Variants in RYR2 observed in about 807,000 individuals in gnomAD.
The protein encoded by RYR2 is cardiac muscle ryanodine receptor-calcium release channel.
A neutral mutation model predicts 601.1 loss-of-function variants in RYR2; 227 were observed. That is an observed-to-expected ratio of 0.38 (90% CI 0.34 to 0.42). The LOEUF is 0.42. RYR2 is among the 10% of genes least tolerant of loss of function. The pLI is 1.00. For synonymous variants in RYR2, 2,223 were observed against 2,175.1 expected, an observed-to-expected ratio of 1.02 and a Z score of -0.61; for missense variants, 4,646 against 6,156.5, an observed-to-expected ratio of 0.75 and a Z score of 8.21.
At chr1:237,364,497 C>T in intron 5 of RYR2, 125 bp downstream of exon 5, 2 of 406,226 alleles carry the variant, frequency 4.9e-6, no homozygotes, top group Non-Finnish European at 8.7e-6. Flanking sequence ...ATATATATTA[C>T]TATATATCAG....
chr1:237,044,883 C>CT (rs1353767028), intron 1 of RYR2, among the ~76,000 whole-genome samples: 11 of 146,568 alleles, frequency 7.5e-5, no homozygotes, highest in African/African-American at 2.3e-4. Context: ...GAAGTCGCTT[C>CT]TTTTTTTTCT....
intron 51 of RYR2, among the ~76,000 whole-genome samples, chr1:237,653,737 G>A (rs752305151): frequency 9.2e-5 from 14 of 152,192 alleles, no homozygotes; most frequent in Admixed American, 7.2e-4. Flanking sequence ...TCAAAAGTAG[G>A]GAAGCCAACA....
rs141556707 is a variant in RYR2 at position 237,787,458 on chromosome 1, G to A, written c.13329-530G>A. Among the ~76,000 whole-genome samples, 879 of 152,056 alleles carry A rather than the reference G, an allele frequency of 5.8e-3. 2 individuals are homozygous for A. Among genetic ancestry groups the A allele is most frequent in the Middle Eastern group, 0.017 (5 of 294 alleles). ...TAAAAAAAAGTTAGCTGGGCATGGT[G>A]TCACATGCCTATAATCCCAGCTACT... On this transcript the variant is annotated intron_variant, in intron 91 of 104. Transcript: ENST00000366574.
intron 11 of RYR2, among the ~76,000 whole-genome samples, chr1:237,422,010 C>G (rs1419984501): frequency 6.6e-6 from 1 of 151,964 alleles, no homozygotes; most frequent in African/African-American, 2.4e-5. Context: ...TTCTTGCGTG[C>G]TTTGATCTTA....
At chr1:237,128,021 G>A (rs1427575066) in intron 1 of RYR2, among the ~76,000 whole-genome samples, 1 of 152,234 alleles carries the variant, frequency 6.6e-6, no homozygotes, top group African/African-American at 2.4e-5. Flanking sequence ...CACTTTGGGA[G>A]GCCAAGGCAG....
At chr1:237,188,802 A>C (rs1679651517) in intron 1 of RYR2, among the ~76,000 whole-genome samples, 1 of 152,186 alleles carries the variant, frequency 6.6e-6, no homozygotes, top group African/African-American at 2.4e-5. Flanking sequence ...TAGGGAGTCT[A>C]GGGTTGCAGC....
chr1:237,258,116 C>T (rs1162297724), intron 1 of RYR2, among the ~76,000 whole-genome samples: 27 of 147,886 alleles, frequency 1.8e-4, no homozygotes, highest in African/African-American at 6.3e-4. Context: ...TGCAGTGAGC[C>T]GAGATCGTGC....
chr1:237,750,818 A>C (rs549760469), intron 80 of RYR2, among the ~76,000 whole-genome samples: 1 of 152,292 alleles, frequency 6.6e-6, no homozygotes, highest in East Asian at 1.9e-4. Context: ...TATCTGGAAG[A>C]ATTGAAGAAA....
intron 63 of RYR2, among the ~76,000 whole-genome samples, chr1:237,687,816 A>G (rs571623095): frequency 6.2e-4 from 94 of 152,338 alleles, no homozygotes; most frequent in African/African-American, 2.0e-3. Flanking sequence ...AAACAAAGCC[A>G]GGCCCTTGGA....
intron 97 of RYR2, among the ~76,000 whole-genome samples, chr1:237,800,541 C>A (rs1348437369): frequency 6.6e-6 from 1 of 151,962 alleles, no homozygotes; most frequent in Admixed American, 6.6e-5. Flanking sequence ...AAGAAAGATT[C>A]GCTTAATTAA....
intron 54 of RYR2, among the ~76,000 whole-genome samples, chr1:237,659,427 A>T (rs1348054134): frequency 6.6e-6 from 1 of 152,222 alleles, no homozygotes; most frequent in African/African-American, 2.4e-5. Context: ...ATATGTACAG[A>T]TGGGCAAAAT....
intron 1 of RYR2, among the ~76,000 whole-genome samples, chr1:237,082,113 G>C (rs759880235): frequency 2.0e-5 from 3 of 152,150 alleles, no homozygotes; most frequent in Non-Finnish European, 4.4e-5. Context: ...AACATTAACT[G>C]ATTAAACTAG....
chr1:237,559,020 G>GT (rs756573840), intron 27 of RYR2, among the ~76,000 whole-genome samples: 145 of 147,564 alleles, frequency 9.8e-4, no homozygotes, highest in Non-Finnish European at 1.5e-3. Context: ...TTGAGATGGA[G>GT]TTTTGCTCTT....
chr1:237,245,779 G>C (rs1273938760), intron 1 of RYR2, among the ~76,000 whole-genome samples: 1 of 152,056 alleles, frequency 6.6e-6, no homozygotes, highest in African/African-American at 2.4e-5. Context: ...GTTTTGATCT[G>C]TTTTTTCTTT....
chr1:237,547,582 G>A (rs2148080418), intron 25 of RYR2, among the ~76,000 whole-genome samples: 1 of 152,278 alleles, frequency 6.6e-6, no homozygotes, highest in Non-Finnish European at 1.5e-5. Flanking sequence ...ACAGAAGAAT[G>A]GAAGAAAAGC....
chr1:237,140,117 T>C (rs2152885), intron 1 of RYR2, among the ~76,000 whole-genome samples: 23,984 of 152,278 alleles, frequency 0.16, 2,306 homozygotes, highest in Middle Eastern at 0.22. Flanking sequence ...CATGGAACCC[T>C]GAAGCACCGT....
chr1:237,071,807 T>A (rs1367165263), intron 1 of RYR2, among the ~76,000 whole-genome samples: 1 of 152,198 alleles, frequency 6.6e-6, no homozygotes, highest in African/African-American at 2.4e-5. Flanking sequence ...CCTGCCGAGC[T>A]GCTCTCAGCC....
At chr1:237,295,603 G>A (rs1692682297) in intron 2 of RYR2, among the ~76,000 whole-genome samples, 1 of 152,070 alleles carries the variant, frequency 6.6e-6, no homozygotes, top group South Asian at 2.1e-4. Context: ...AGGATTTATA[G>A]GTAATATGAA....
intron 1 of RYR2, among the ~76,000 whole-genome samples, chr1:237,044,816 G>A (rs929215201): frequency 1.3e-5 from 2 of 150,720 alleles, no homozygotes; most frequent in African/African-American, 2.4e-5. Context: ...GAATGTTGGT[G>A]GTTCAGAAAT....
Sources: allele counts gnomAD v4.1 joint callset (sites outside exome capture counted in the v4.1 genomes callset), GRCh38; gene constraint gnomAD v4.1.1; transcripts MANE v1.5; gene names NCBI Gene and HGNC (gene_info 2026-07-23, HGNC 2026-07-21).